The following HIVEP3 variants were observed in gnomAD, a reference collection of about 807,000 sequenced individuals.
The protein encoded by HIVEP3 is transcription factor HIVEP3.
In HIVEP3, 49 loss-of-function variants were observed where a neutral mutation model predicts 152.8. The ratio of observed to expected loss-of-function variants is 0.32; its 90% CI spans 0.26 to 0.41. The LOEUF (loss-of-function observed/expected upper bound fraction) is 0.41. Ranked by LOEUF, HIVEP3 falls within the 10% of genes least tolerant of loss-of-function variation. The pLI is 1.00. For missense variants in HIVEP3, 2,790 were observed against 3,103.3 expected (o/e 0.90, Z 2.40); for synonymous variants, 1,269 against 1,289.0 (o/e 0.98, Z 0.33).
chr1:42,024,134 G>A (rs1645569736), intron 1 of HIVEP3, among the ~76,000 whole-genome samples: 1 of 152,098 alleles, frequency 6.6e-6, no homozygotes, highest in Middle Eastern at 3.4e-3. Flanking sequence ...AAATGTCTTA[G>A]GTATTCTAAT....
At chr1:41,739,751 C>T (rs1646970333) in intron 1 of HIVEP3, among the ~76,000 whole-genome samples, 1 of 152,114 alleles carries the variant, frequency 6.6e-6, no homozygotes, top group Non-Finnish European at 1.5e-5. Context: ...GTAATCATGC[C>T]CACTTCACAG....
intron 2 of HIVEP3, among the ~76,000 whole-genome samples, chr1:41,660,720 A>C (rs1350830249): frequency 1.3e-5 from 2 of 152,238 alleles, no homozygotes; most frequent in Non-Finnish European, 2.9e-5. Context: ...CAACTAGAAA[A>C]AAAATGCTGG....
At chr1:41,573,800 T>TG (rs1644286558) in intron 5 of HIVEP3, among the ~76,000 whole-genome samples, 1 of 151,606 alleles carries the variant, frequency 6.6e-6, no homozygotes, top group Non-Finnish European at 1.5e-5. Context: ...CAGAGGTAAG[T>TG]GGGGCAGAGA....
chr1:41,525,266 C>T (rs1382598669), intron 5 of HIVEP3, among the ~76,000 whole-genome samples: 1 of 149,672 alleles, frequency 6.7e-6, no homozygotes, highest in African/African-American at 2.5e-5. Context: ...CCGCAGGCCA[C>T]CAGAGTCCCA....
At chr1:42,011,916 G>A (rs1645494558) in intron 1 of HIVEP3, among the ~76,000 whole-genome samples, 1 of 152,120 alleles carries the variant, frequency 6.6e-6, no homozygotes, top group East Asian at 1.9e-4. Context: ...TTTCGCTGGT[G>A]CTGTACCATG....
At chr1:41,925,689 G>A (rs970454765) in intron 1 of HIVEP3, among the ~76,000 whole-genome samples, 10 of 152,222 alleles carry the variant, frequency 6.6e-5, no homozygotes, top group African/African-American at 2.4e-4. Flanking sequence ...TGTTCTGGCA[G>A]ATACTGTTCT....
At chr1:41,625,961 G>C (rs1191658933) in intron 3 of HIVEP3, among the ~76,000 whole-genome samples, 7 of 152,170 alleles carry the variant, frequency 4.6e-5, no homozygotes, top group African/African-American at 1.4e-4. Flanking sequence ...GACTATAAAA[G>C]TTTGAAAACT....
At chr1:41,816,018 A>T (rs1278105186) in intron 1 of HIVEP3, among the ~76,000 whole-genome samples, 1 of 152,126 alleles carries the variant, frequency 6.6e-6, no homozygotes, top group Admixed American at 6.5e-5. Flanking sequence ...GTCCCCAAAG[A>T]GCTGTGGAGC....
Position 41,511,176 on chromosome 1 carries a change from C to A in HIVEP3, c.6496G>T (p.Gly2166Cys), listed in dbSNP as rs754592498. ...TCCTCTGTCCGGGCCAGGATGTGGC[C>A]GTGGAAGTCATGGAGGGCGGAGAAG... ...RPFSALHDFH[G>C]HILARTEENI... The change falls in exon 9 of 9, where the codon GGC becomes TGC. Residue 2166 changes from glycine (G) to cysteine (C), a missense_variant. Coordinates refer to ENST00000372583, the MANE Select transcript of HIVEP3 (RefSeq NM_024503.5). This position sits in a 1 kb window ranked among gnomAD's most constrained non-coding sequence, Gnocchi z 4.9. 6.2e-7 allele frequency: 1 copy of A among 1,614,042 alleles called. No homozygotes were observed. The highest frequency in any genetic ancestry group is 2.2e-5 in the East Asian group (1 of 44,876).
chr1:41,777,994 T>C (rs985257501), intron 1 of HIVEP3, among the ~76,000 whole-genome samples: 1 of 152,264 alleles, frequency 6.6e-6, no homozygotes, highest in Non-Finnish European at 1.5e-5. Context: ...CGGGGGTTCT[T>C]GGCAGCAACT....
chr1:41,742,700 G>C (rs1282742877), intron 1 of HIVEP3, among the ~76,000 whole-genome samples: 2 of 152,170 alleles, frequency 1.3e-5, no homozygotes, highest in Non-Finnish European at 2.9e-5. Context: ...GTGTCTATCT[G>C]CCCACTGGGT....
intron 1 of HIVEP3, among the ~76,000 whole-genome samples, chr1:41,834,502 G>A (rs964505502): frequency 2.6e-5 from 4 of 152,044 alleles, no homozygotes; most frequent in Admixed American, 2.6e-4. Context: ...TCCTATAAAG[G>A]GTCTGACTCA....
intron 1 of HIVEP3, among the ~76,000 whole-genome samples, chr1:41,759,579 T>C (rs999431718): frequency 6.6e-6 from 1 of 152,200 alleles, no homozygotes; most frequent in African/African-American, 2.4e-5. Context: ...TGCTGGGTCA[T>C]ATGGTAACTC....
chr1:42,008,481 T>A (rs185130041), intron 1 of HIVEP3, among the ~76,000 whole-genome samples: 18 of 152,350 alleles, frequency 1.2e-4, no homozygotes, highest in Admixed American at 3.3e-4. Flanking sequence ...TTCTTCTGAT[T>A]GTTGGCAGCT....
chr1:41,542,649 T>G (rs893247005), intron 5 of HIVEP3: 1 of 152,356 alleles, frequency 6.6e-6, no homozygotes, highest in African/African-American at 2.4e-5. Flanking sequence ...CACAGTATCC[T>G]GCAGAGGCAG....
intron 1 of HIVEP3, chr1:41,869,727 G>A (rs783431): frequency 0.78 from 119,171 of 152,182 alleles, 47,016 homozygotes; most frequent in East Asian, 1. Context: ...TGCCTGTGGT[G>A]ACAGCATCAT....
intron 1 of HIVEP3, among the ~76,000 whole-genome samples, chr1:41,876,395 C>T (rs1265810667): frequency 1.3e-5 from 2 of 151,980 alleles, no homozygotes; most frequent in African/African-American, 2.4e-5. Flanking sequence ...AAACTCTGAG[C>T]GAGTTGCTTA....
At position 41,513,094 on chromosome 1, in the gene HIVEP3, T is replaced by C. The variant is rs2149047061; in HGVS notation, c.6127A>G (p.Arg2043Gly). ...ACATGTGCTCGAGGGGCCAGTTCTCTTCCCAGGGGGCAGAGGGTGAGAGGA... is the reference window on the plus strand; with the variant it reads ...ACATGTGCTCGAGGGGCCAGTTCTCCTCCCAGGGGGCAGAGGGTGAGAGGA... ...LSPLTLCPLG[R>G]ELAPRAHVLS... The change falls in exon 8 of 9, where the codon AGA becomes GGA. Residue 2043 changes from arginine to glycine, a missense_variant. This residue lies in a region of HIVEP3 where 816 missense variants were observed against 806.5 expected (regional missense o/e 1.01). Coordinates refer to ENST00000372583, the MANE Select transcript of HIVEP3 (RefSeq NM_024503.5). The C allele has an allele frequency of 6.2e-7, 1 of 1,613,898 alleles. No individual in the cohort carries two copies. The highest frequency in any genetic ancestry group is 1.7e-5 in the Admixed American group (1 of 60,034).
chr1:41,750,061 C>T (rs1167242126), intron 1 of HIVEP3, among the ~76,000 whole-genome samples: 3 of 152,166 alleles, frequency 2.0e-5, no homozygotes, highest in African/African-American at 4.8e-5. Flanking sequence ...GGCGGTGGAG[C>T]CTCCTGGTTA....
Sources: gnomAD v4.1 joint callset for allele counts (sites outside exome capture counted in the v4.1 genomes callset) on GRCh38, gnomAD v4.1.1 for gene constraint, gnomAD v4.1.1 regional missense constraint, Gnocchi (gnomAD v3.1) non-coding constraint, MANE v1.5 for transcripts, NCBI Gene and HGNC (gene_info 2026-07-23, HGNC 2026-07-21) for gene names.